PKN2: variants seen among roughly 807,000 people sequenced by gnomAD.
PKN2 encodes the protein protein kinase N2, also known as serine/threonine-protein kinase N2.
Under a neutral mutation model 119.1 loss-of-function variants are expected in PKN2, and 38 were observed. The ratio of observed to expected loss-of-function variants is 0.32; its 90% CI spans 0.25 to 0.42. The LOEUF is 0.42. PKN2 is among the 10% of genes least tolerant of loss of function. PKN2 has a pLI of 1.00. For synonymous variants in PKN2, 390 were observed against 384.9 expected (o/e 1.01, Z -0.15); for missense variants, 850 against 1,165.1 (o/e 0.73, Z 3.94).
At chr1:88,695,291 T>C (rs933604693) in intron 1 of PKN2, among the ~76,000 whole-genome samples, 1 of 152,216 alleles carries the variant, frequency 6.6e-6, no homozygotes, top group African/African-American at 2.4e-5. Context: ...TAATTAAAAT[T>C]AATCATTTGA....
rs1478356427 is a variant in PKN2 at position 88,829,635 on chromosome 1, T to G, written c.2562+1012T>G. On this transcript the variant is annotated intron_variant, in intron 19 of 21. Transcript: ENST00000370521. Reference sequence around the variant, plus strand: ...TTATTATGTTATAAATTGTTAGAAATGTTGAATTGGGATGAAATTGGGAAA... The same window carrying G: ...TTATTATGTTATAAATTGTTAGAAAGGTTGAATTGGGATGAAATTGGGAAA... Among the ~76,000 whole-genome samples, 3 of 152,142 alleles carry G rather than the reference T, an allele frequency of 2.0e-5. No individual in the cohort carries two copies. In the East Asian group the frequency reaches 5.8e-4, roughly 29 times the overall value.
At chr1:88,797,302 C>G (rs2100855899) in intron 8 of PKN2, among the ~76,000 whole-genome samples, 1 of 150,434 alleles carries the variant, frequency 6.6e-6, no homozygotes, top group Admixed American at 6.6e-5. Flanking sequence ...CCATTGCACT[C>G]CAGCCTGGGC....
chr1:88,784,602 G>T, intron 6 of PKN2, 37 bp from the exon 7 acceptor site: 11 of 1,328,536 alleles, frequency 8.3e-6, no homozygotes, highest in Non-Finnish European at 1.0e-5. Flanking sequence ...TAGATTAAGG[G>T]TTGATGTTCT....
chr1:88,684,644 C>A lies in PKN2; in HGVS notation c.48+16C>A. On this transcript the variant is annotated intron_variant, in intron 1 of 21. Coordinates refer to ENST00000370521, the MANE Select transcript of PKN2 (RefSeq NM_006256.4). Reference sequence around the variant, plus strand: ...GGAACTGCAGGTAAGGGCCGCGGCCCTGGTGAGAGGCGCTGGCGGAGGAGA... The same window carrying A: ...GGAACTGCAGGTAAGGGCCGCGGCCATGGTGAGAGGCGCTGGCGGAGGAGA... 6.5e-7 allele frequency: 1 copy of A among 1,530,580 alleles called. No individual in the cohort carries two copies. Among genetic ancestry groups the A allele is most frequent in the Admixed American group, 2.1e-5 (1 of 47,928 alleles). 94.8% of individuals were successfully genotyped at this position (1,530,580 alleles called of 1,614,324 possible).
At chr1:88,684,698 G>T in intron 1 of PKN2, 70 bp downstream of exon 1, 1 of 1,361,504 alleles carries the variant, frequency 7.3e-7, no homozygotes, top group Non-Finnish European at 9.7e-7. Flanking sequence ...CGGCGTCGGG[G>T]ACCGAGGAAA....
At chr1:88,735,614 C>CCT (rs1668315311) in intron 1 of PKN2, among the ~76,000 whole-genome samples, 1 of 76,990 alleles carries the variant, frequency 1.3e-5, no homozygotes, top group Non-Finnish European at 2.7e-5. Flanking sequence ...CCCCCCCCCC[C>CCT]CCACCCCCAA....
chr1:88,746,372 A>G (rs1298960653), intron 2 of PKN2, among the ~76,000 whole-genome samples: 1 of 152,138 alleles, frequency 6.6e-6, no homozygotes, highest in Non-Finnish European at 1.5e-5. Context: ...TATATATTGG[A>G]TAAGGGGTCA....
intron 19 of PKN2, chr1:88,828,884 A>C (rs1570695143): frequency 1.6e-6 from 1 of 609,786 alleles, no homozygotes; most frequent in Non-Finnish European, 3.0e-6. Context: ...TTCTGATTTT[A>C]AGACATAGTC....
chr1:88,760,104 G>A, intron 2 of PKN2, 118 bp from the exon 3 acceptor site: 1 of 586,512 alleles, frequency 1.7e-6, no homozygotes, highest in Non-Finnish European at 3.0e-6. Context: ...AGTATAAGGA[G>A]ATTTCATTTA....
At chr1:88,728,561 G>T (rs1056948018) in intron 1 of PKN2, among the ~76,000 whole-genome samples, 7 of 151,948 alleles carry the variant, frequency 4.6e-5, no homozygotes, top group African/African-American at 1.5e-4. Flanking sequence ...AACAGGTTTA[G>T]ATTTACAGAA....
At chr1:88,830,192 C>A (rs1392537744) in intron 19 of PKN2, among the ~76,000 whole-genome samples, 6 of 152,114 alleles carry the variant, frequency 3.9e-5, no homozygotes, top group African/African-American at 1.4e-4. Flanking sequence ...ACTCTGGCTC[C>A]AGAGCATATC....
At chr1:88,722,669 G>A (rs1667728785) in intron 1 of PKN2, among the ~76,000 whole-genome samples, 1 of 151,954 alleles carries the variant, frequency 6.6e-6, no homozygotes, top group Admixed American at 6.6e-5. Flanking sequence ...TATAGTTCCA[G>A]TTACTCAGGA....
intron 6 of PKN2, among the ~76,000 whole-genome samples, chr1:88,772,847 T>C (rs1224192537): frequency 2.6e-5 from 4 of 152,206 alleles, no homozygotes; most frequent in Non-Finnish European, 5.9e-5. Flanking sequence ...TTAATATTTT[T>C]TTTCATTCTT....
chr1:88,788,995 TAGA>T (rs935840498), intron 8 of PKN2, among the ~76,000 whole-genome samples: 26 of 152,262 alleles, frequency 1.7e-4, no homozygotes, highest in African/African-American at 5.5e-4. Context: ...AACATAGTAG[TAGA>T]AGTTCTTTAT....
chr1:88,718,978 T>C (rs1667564368), intron 1 of PKN2, among the ~76,000 whole-genome samples: 1 of 152,188 alleles, frequency 6.6e-6, no homozygotes, highest in African/African-American at 2.4e-5. Flanking sequence ...TTTCTTACCC[T>C]CCCCATTCCT....
chr1:88,771,979 TATG>T (rs1356437447), intron 6 of PKN2, 100 bp downstream of exon 6: 5 of 727,312 alleles, frequency 6.9e-6, no homozygotes, highest in Admixed American at 5.7e-5. Flanking sequence ...TTTTTAAAAT[TATG>T]ATAAGATACA....
chr1:88,800,894 A>G (rs1365558240), intron 8 of PKN2, among the ~76,000 whole-genome samples: 2 of 152,184 alleles, frequency 1.3e-5, no homozygotes, highest in Non-Finnish European at 2.9e-5. Flanking sequence ...ATAATAAGAC[A>G]AACTGAAACA....
At chr1:88,817,408 C>CAAAA (rs531465698) in intron 16 of PKN2, among the ~76,000 whole-genome samples, 3 of 84,782 alleles carry the variant, frequency 3.5e-5, no homozygotes, top group East Asian at 3.9e-4. Context: ...GACTCTGTCT[C>CAAAA]AAAAAAAAAA....
At chr1:88,717,648 C>T (rs1253573045) in intron 1 of PKN2, among the ~76,000 whole-genome samples, 1 of 151,980 alleles carries the variant, frequency 6.6e-6, no homozygotes, top group Non-Finnish European at 1.5e-5. Flanking sequence ...TCCATCAGGT[C>T]ATTTAAGGTC....
Sources: gnomAD v4.1 joint callset for allele counts (sites outside exome capture counted in the v4.1 genomes callset) on GRCh38, gnomAD v4.1.1 for gene constraint, MANE v1.5 for transcripts, NCBI Gene and HGNC (gene_info 2026-07-23, HGNC 2026-07-21) for gene names.